FHIT: variants seen among roughly 807,000 people sequenced by gnomAD.
FHIT encodes fragile histidine triad diadenosine triphosphatase, also known as bis(5'-adenosyl)-triphosphatase.
FHIT carries 19 observed loss-of-function variants against 17.9 expected under a neutral mutation model. The observed-to-expected ratio is 1.06, with a 90% confidence interval of 0.74 to 1.56. The LOEUF (loss-of-function observed/expected upper bound fraction) is 1.56, where lower values mean the gene tolerates loss of function less well. FHIT is among the 40% of genes most tolerant of loss of function. FHIT has a pLI of 0.00. For synonymous variants in FHIT, 81 were observed against 69.7 expected (o/e 1.16, Z -0.81); for missense variants, 248 against 189.2 (o/e 1.31, Z -1.82).
intron 4 of FHIT, among the ~76,000 whole-genome samples, chr3:60,563,930 A>G (rs757871585): frequency 6.6e-6 from 1 of 152,216 alleles, no homozygotes; most frequent in Non-Finnish European, 1.5e-5. Context: ...AGTTGACCAT[A>G]TTAAACAATA....
At chr3:60,938,938 C>T (rs751772730) in intron 3 of FHIT, among the ~76,000 whole-genome samples, 7 of 152,074 alleles carry the variant, frequency 4.6e-5, no homozygotes, top group African/African-American at 1.2e-4. Context: ...AATGAACATA[C>T]GGAAAAGGGT....
chr3:60,180,066 A>C (rs1054127520), intron 5 of FHIT, among the ~76,000 whole-genome samples: 11 of 152,114 alleles, frequency 7.2e-5, no homozygotes, highest in Non-Finnish European at 8.8e-5. Context: ...TAACCACACA[A>C]ACTGGGACAA....
chr3:60,887,191 A>T (rs1305860216), intron 3 of FHIT, among the ~76,000 whole-genome samples: 1 of 139,664 alleles, frequency 7.2e-6, no homozygotes, highest in Non-Finnish European at 1.5e-5. Flanking sequence ...TCAGAGCAGA[A>T]CTAACTTGTT....
At chr3:60,617,966 A>T in intron 4 of FHIT, 1 of 269,556 alleles carries the variant, frequency 3.7e-6, no homozygotes, top group Non-Finnish European at 7.6e-6. Flanking sequence ...TAAGTACTTT[A>T]TAAAGTCAAA....
At chr3:60,952,563 C>T (rs192579852) in intron 3 of FHIT, among the ~76,000 whole-genome samples, 13 of 152,166 alleles carry the variant, frequency 8.5e-5, no homozygotes, top group African/African-American at 3.1e-4. Flanking sequence ...TATGCCAGCC[C>T]GAAATATGCC....
At chr3:60,227,937 T>G (rs1251240004) in intron 5 of FHIT, among the ~76,000 whole-genome samples, 1 of 152,204 alleles carries the variant, frequency 6.6e-6, no homozygotes, top group Non-Finnish European at 1.5e-5. Flanking sequence ...AAGCAATTAC[T>G]GGACATTTTT....
chr3:59,848,262 G>A (rs1297336590), intron 8 of FHIT, among the ~76,000 whole-genome samples: 2 of 152,114 alleles, frequency 1.3e-5, no homozygotes, highest in Non-Finnish European at 2.9e-5. Flanking sequence ...CCCTTTCCCT[G>A]GAATATTCAG....
At chr3:60,010,505 G>T (rs1365959723) in intron 7 of FHIT, among the ~76,000 whole-genome samples, 1 of 152,214 alleles carries the variant, frequency 6.6e-6, no homozygotes, top group African/African-American at 2.4e-5. Context: ...CATTGTTTGT[G>T]TGGGCAGCAC....
In FHIT at chr3:60,469,611, T is replaced by C. The variant is rs79238887; in HGVS notation, c.103+67249A>G. 9.5e-3 allele frequency among the ~76,000 whole-genome samples: 1,443 copies of C among 152,264 alleles called. 14 individuals carry two copies. The highest frequency in any genetic ancestry group is 0.037 in the East Asian group (190 of 5,166). Reference sequence around the variant, plus strand: ...CAAAACAGCTATTTTGAATTCCCTTTCTGAAAGCTCACATATCTCTCTCTC... The same window carrying C: ...CAAAACAGCTATTTTGAATTCCCTTCCTGAAAGCTCACATATCTCTCTCTC... On this transcript the variant is annotated intron_variant, in intron 5 of 9. Transcript: ENST00000492590.
At chr3:61,023,612 C>G (rs1250402582) in intron 3 of FHIT, among the ~76,000 whole-genome samples, 1 of 152,172 alleles carries the variant, frequency 6.6e-6, no homozygotes, top group Non-Finnish European at 1.5e-5. Context: ...TACAAGATTA[C>G]AGTAACCAAA....
intron 5 of FHIT, among the ~76,000 whole-genome samples, chr3:60,055,265 G>T (rs111757144): frequency 0.015 from 2,224 of 152,140 alleles, 28 homozygotes; most frequent in Non-Finnish European, 0.022. Flanking sequence ...GCAGTACAGG[G>T]AAGTGACATC....
At chr3:60,178,739 G>A (rs139034527) in intron 5 of FHIT, among the ~76,000 whole-genome samples, 1 of 152,270 alleles carries the variant, frequency 6.6e-6, no homozygotes, top group East Asian at 1.9e-4. Context: ...CTGATCCCAT[G>A]TGATATATAT....
In FHIT at chr3:61,129,309, T is replaced by C. The variant is rs573552967; in HGVS notation, c.-164+71308A>G. On this transcript the variant is annotated intron_variant, in intron 2 of 9. Transcript: ENST00000492590. ...CGACATGAGAAAATGAGAAAGCAAT[T>C]TGTGGCATCTAAATACATGCATAAT... 5.3e-5 allele frequency among the ~76,000 whole-genome samples: 8 copies of C among 152,280 alleles called. No homozygotes were observed. In the South Asian group the frequency reaches 1.2e-3, roughly 24 times the overall value.
rs74342868 is a variant in FHIT, at chr3:61,174,433, G to A, written c.-164+26184C>T. ...TTTAAATTTCTAAATAAATAGGCAT[G>A]TCATTAAATATAAAGCATCAGGAAA... On this transcript the variant is annotated intron_variant, in intron 2 of 9. Transcript: ENST00000492590. 6.8e-3 allele frequency among the ~76,000 whole-genome samples: 1,032 copies of A among 152,264 alleles called. 7 individuals carry two copies. The highest frequency in any genetic ancestry group is 0.01 in the Non-Finnish European group (698 of 68,022).
chr3:60,840,065 C>T (rs1702669206), intron 3 of FHIT, among the ~76,000 whole-genome samples: 1 of 151,934 alleles, frequency 6.6e-6, no homozygotes, highest in Admixed American at 6.6e-5. Flanking sequence ...ACTCAGTCCT[C>T]TTTAGAGGAA....
chr3:60,194,218 G>T (rs575919875), intron 5 of FHIT, among the ~76,000 whole-genome samples: 6 of 152,172 alleles, frequency 3.9e-5, no homozygotes, highest in Admixed American at 2.6e-4. Flanking sequence ...AAGACAGCAT[G>T]GTACTAGTAT....
chr3:60,400,350 G>A (rs1701614272), intron 5 of FHIT, among the ~76,000 whole-genome samples: 1 of 152,162 alleles, frequency 6.6e-6, no homozygotes, highest in Non-Finnish European at 1.5e-5. Flanking sequence ...GGGGCCTGCA[G>A]AGGAAAAAGC....
At chr3:60,148,207 C>T (rs1409171679) in intron 5 of FHIT, among the ~76,000 whole-genome samples, 2 of 152,152 alleles carry the variant, frequency 1.3e-5, no homozygotes, top group African/African-American at 4.8e-5. Flanking sequence ...GCAGTTATTT[C>T]CTCAGTGTTA....
chr3:61,044,312 T>C (rs2033676861), intron 2 of FHIT, among the ~76,000 whole-genome samples: 1 of 152,154 alleles, frequency 6.6e-6, no homozygotes. Flanking sequence ...CTGAAAACCA[T>C]GGCTCAAGAA....
Sources: gnomAD v4.1 joint callset for allele counts (sites outside exome capture counted in the v4.1 genomes callset) on GRCh38, gnomAD v4.1.1 for gene constraint, MANE v1.5 for transcripts, NCBI Gene and HGNC (gene_info 2026-07-23, HGNC 2026-07-21) for gene names.